Variants in TRIT1 observed in about 807,000 individuals in gnomAD.
TRIT1 encodes the protein tRNA isopentenyltransferase 1.
TRIT1 carries 43 observed loss-of-function variants against 51.2 expected under a neutral mutation model. That is an observed-to-expected ratio of 0.84 (90% CI 0.66 to 1.08). The LOEUF (loss-of-function observed/expected upper bound fraction) is 1.08. TRIT1 is among the 50% of genes least tolerant of loss of function. The pLI, the probability that TRIT1 is intolerant of heterozygous loss-of-function variation, is 0.00. For missense variants in TRIT1, 528 were observed against 578.4 expected (o/e 0.91, Z 0.89); for synonymous variants, 184 against 203.9 (o/e 0.90, Z 0.83).
chr1:39,852,607 A>G, intron 4 of TRIT1, 124 bp downstream of exon 4: 1 of 1,229,930 alleles, frequency 8.1e-7, no homozygotes, highest in Non-Finnish European at 1.1e-6. Flanking sequence ...CTGCTGAGCT[A>G]GAACAACACA....
intron 4 of TRIT1, among the ~76,000 whole-genome samples, chr1:39,851,395 C>G (rs1407333514): frequency 6.6e-6 from 1 of 152,026 alleles, no homozygotes; most frequent in African/African-American, 2.4e-5. Context: ...AGAGAATAAA[C>G]ACCAAGCTCT....
intron 3 of TRIT1, among the ~76,000 whole-genome samples, chr1:39,853,403 G>GT (rs3835696): frequency 0.033 from 4,867 of 147,660 alleles, 251 homozygotes; most frequent in African/African-American, 0.11. Flanking sequence ...AATCGCATCT[G>GT]TTTTTTTTTT....
At chr1:39,856,739 C>T (rs1021461326) in intron 2 of TRIT1, among the ~76,000 whole-genome samples, 6 of 152,050 alleles carry the variant, frequency 3.9e-5, no homozygotes, top group East Asian at 1.9e-4. Flanking sequence ...ATTTTCCAGT[C>T]CTCTCCCATC....
chr1:39,847,419 CA>C, intron 7 of TRIT1, 122 bp from the exon 8 acceptor site: 1 of 1,434,664 alleles, frequency 7.0e-7, no homozygotes, highest in Non-Finnish European at 9.7e-7. Flanking sequence ...ACTTGGTGGA[CA>C]AAAATCTCAG....
intron 1 of TRIT1, chr1:39,862,641 G>T (rs1354761073): frequency 9.7e-6 from 4 of 413,314 alleles, no homozygotes; most frequent in Non-Finnish European, 1.3e-5. Context: ...AACAAACTTA[G>T]AAATTAATCA....
chr1:39,854,028 A>T lies in TRIT1; in HGVS notation c.356T>A (p.Val119Glu), dbSNP rs775522279. The T allele has an allele frequency of 1.9e-6, 3 of 1,612,930 alleles. No individual in the cohort carries two copies. Among genetic ancestry groups the T allele is most frequent in the Non-Finnish European group, 2.5e-6 (3 of 1,179,694 alleles). The change falls in exon 3 of 11, where the codon GTG (valine) becomes GAG (glutamate). Residue 119 changes from valine to glutamate, a missense_variant. Val to Glu is a moderately radical substitution (Grantham distance 121, BLOSUM62 -2). Around this residue, in one of 3 missense-constraint regions of TRIT1, gnomAD observed 468 missense variants for 522.6 expected, o/e 0.90. Coordinates refer to ENST00000316891, the MANE Select transcript of TRIT1 (RefSeq NM_017646.6). ...TTCAATGTAATAATTGGTTCCTCCC[A>T]CAACAATAGGAATTTTGTCTCGGGC... ...IFARDKIPIVVGGTNYYIESL... is the reference protein window; with the variant it reads ...IFARDKIPIVEGGTNYYIESL...
At chr1:39,846,819 G>C (rs1330479046) in intron 8 of TRIT1, among the ~76,000 whole-genome samples, 1 of 152,124 alleles carries the variant, frequency 6.6e-6, no homozygotes, top group Non-Finnish European at 1.5e-5. Context: ...AATGGTGAAG[G>C]TGTCTTTTTA....
intron 4 of TRIT1, chr1:39,852,503 AC>A (rs950709796): frequency 2.0e-6 from 1 of 507,702 alleles, no homozygotes; most frequent in Non-Finnish European, 3.5e-6. Flanking sequence ...CTAGGGGAAA[AC>A]GATATTGTAC....
At chr1:39,877,168 A>C (rs1644097114) in intron 1 of TRIT1, among the ~76,000 whole-genome samples, 1 of 151,690 alleles carries the variant, frequency 6.6e-6, no homozygotes, top group African/African-American at 2.4e-5. Flanking sequence ...TTTTGGTACA[A>C]ACACTGCTCC....
intron 6 of TRIT1, 22 bp downstream of exon 6, chr1:39,847,964 A>C (rs780769551): frequency 1.3e-6 from 2 of 1,599,848 alleles, no homozygotes; most frequent in South Asian, 2.2e-5. Flanking sequence ...ACAGTAGGTC[A>C]GAATAACAGC....
rs772337382 is a variant in TRIT1, at chr1:39,847,195, G to C, written c.1006+25C>G. 3 of 1,603,100 alleles carry C rather than the reference G, an allele frequency of 1.9e-6. No individual in the cohort carries two copies. In the South Asian group the frequency reaches 3.3e-5, roughly 18 times the overall value. ...ATATTCTATTGAAAACAGACCCATA[G>C]GATAAAGAAAAACATGAGACTTACT... On this transcript the variant is annotated intron_variant, in intron 8 of 10. Transcript: ENST00000316891.
At chr1:39,853,190 A>C (rs889647918) in intron 3 of TRIT1, among the ~76,000 whole-genome samples, 3 of 152,180 alleles carry the variant, frequency 2.0e-5, no homozygotes, top group Non-Finnish European at 4.4e-5. Context: ...AGGGTGAACA[A>C]GGAGACCAGG....
At position 39,838,717 on chromosome 1, in the gene TRIT1, T is replaced by C. The variant is rs993652146; in HGVS notation, c.*3027A>G. 1.3e-5 allele frequency among the ~76,000 whole-genome samples: 2 copies of C among 152,212 alleles called. No individual in the cohort carries two copies. The highest frequency in any genetic ancestry group is 4.8e-5 in the African/African-American group (2 of 41,436). On this transcript the variant is annotated 3_prime_UTR_variant, in exon 11 of 11. Transcript: ENST00000316891. ...GGTCTCACCATGTTGCCTAGGCTGG[T>C]CTCAAACTCCTAGGCTTGAGTGATC...
intron 8 of TRIT1, 190 bp downstream of exon 8, chr1:39,847,030 A>T (rs1193546127): frequency 8.4e-6 from 4 of 474,766 alleles, no homozygotes; most frequent in Admixed American, 3.7e-5. Flanking sequence ...AATGCAAATA[A>T]TTTTTTTTTT....
rs1451658965 is a variant in TRIT1, at chr1:39,839,697, C to T, written c.*2047G>A. Among the ~76,000 whole-genome samples, 1 of 152,152 alleles carries T rather than the reference C, an allele frequency of 6.6e-6. No homozygotes were observed. The highest frequency in any genetic ancestry group is 1.5e-5 in the Non-Finnish European group (1 of 68,038). On this transcript the variant is annotated 3_prime_UTR_variant, in exon 11 of 11. Transcript: ENST00000316891. The stretch of plus-strand genomic sequence containing the variant: ...CAGTGGGCTCAACCACACTGCCTTA[C>T]ACTTAGTAAGTGCTTCATAAATATT...
At chr1:39,852,663 G>A (rs1056149348) in intron 4 of TRIT1, 68 bp downstream of exon 4, 2 of 1,551,080 alleles carry the variant, frequency 1.3e-6, no homozygotes. Flanking sequence ...CATCATCTGG[G>A]CAAACTGAAG....
At chr1:39,875,812 A>G (rs1644033914) in intron 1 of TRIT1, among the ~76,000 whole-genome samples, 1 of 152,182 alleles carries the variant, frequency 6.6e-6, no homozygotes, top group Non-Finnish European at 1.5e-5. Context: ...GTTAGAGGAA[A>G]AAGTATAAAA....
chr1:39,853,316 T>C (rs1223741522), intron 3 of TRIT1, among the ~76,000 whole-genome samples: 1 of 152,070 alleles, frequency 6.6e-6, no homozygotes, highest in East Asian at 1.9e-4. Flanking sequence ...CAGGAAATAC[T>C]GAATCAGGCT....
chr1:39,877,079 A>C (rs1197193311), intron 1 of TRIT1, among the ~76,000 whole-genome samples: 1 of 149,880 alleles, frequency 6.7e-6, no homozygotes, highest in East Asian at 2.0e-4. Flanking sequence ...CATTTTATTA[A>C]GCCACTGTGA....
Sources: gnomAD v4.1 joint callset for allele counts (sites outside exome capture counted in the v4.1 genomes callset) on GRCh38, gnomAD v4.1.1 for gene constraint, gnomAD v4.1.1 regional missense constraint, MANE v1.5 for transcripts, NCBI Gene and HGNC (gene_info 2026-07-23, HGNC 2026-07-21) for gene names.